The following TULP4 variants were observed in gnomAD, a reference collection of about 807,000 sequenced individuals.
TULP4 encodes the protein tubby-related protein 4.
TULP4 carries 16 observed loss-of-function variants against 129.0 expected under a neutral mutation model. The ratio of observed to expected loss-of-function variants is 0.12; its 90% CI spans 0.08 to 0.19. The LOEUF (loss-of-function observed/expected upper bound fraction) is 0.19, where lower values mean the gene tolerates loss of function less well. Among genes scored for constraint, TULP4 ranks in the 10% least tolerant of loss-of-function variants. The pLI, the probability that TULP4 is intolerant of heterozygous loss-of-function variation, is 1.00. For missense variants in TULP4, 1,842 were observed against 2,059.1 expected (o/e 0.89, Z 2.04); for synonymous variants, 998 against 854.0 (o/e 1.17, Z -2.94).
chr6:158,475,528 C>G (rs1464649028), intron 6 of TULP4, among the ~76,000 whole-genome samples: 2 of 152,230 alleles, frequency 1.3e-5, no homozygotes, highest in Non-Finnish European at 2.9e-5. Context: ...GAGTTTTTCC[C>G]TAGCAGACAG....
intron 1 of TULP4, among the ~76,000 whole-genome samples, chr6:158,250,356 C>G (rs1384856640): frequency 2.0e-5 from 3 of 151,778 alleles, no homozygotes; most frequent in Non-Finnish European, 4.4e-5. Context: ...CTGGATTTCA[C>G]CATGTTGGCC....
chr6:158,432,598 C>T (rs1778656327), intron 3 of TULP4, among the ~76,000 whole-genome samples: 1 of 152,184 alleles, frequency 6.6e-6, no homozygotes, highest in Admixed American at 6.5e-5. Flanking sequence ...CACGGTGGCT[C>T]ACGCCTGTAA....
intron 1 of TULP4, among the ~76,000 whole-genome samples, chr6:158,349,039 G>A (rs200333782): frequency 3.6e-4 from 18 of 50,594 alleles, no homozygotes; most frequent in Admixed American, 4.1e-4. Flanking sequence ...CCGGGCAGAG[G>A]CGCTCCTCAC....
intron 3 of TULP4, among the ~76,000 whole-genome samples, chr6:158,447,037 AG>A (rs1449119429): frequency 4.6e-5 from 7 of 152,222 alleles, no homozygotes; most frequent in Admixed American, 4.6e-4. Context: ...TAGTGTAACT[AG>A]GGGTCAGACA....
upstream of TULP4, among the ~76,000 whole-genome samples, chr6:158,309,004 C>A (rs1176560924): frequency 1.3e-3 from 197 of 146,594 alleles, 1 homozygote; most frequent in African/African-American, 4.3e-3. Context: ...ACCTCCCTCC[C>A]GGACAGGGCG....
At chr6:158,342,196 G>A (rs1317885626) in intron 1 of TULP4, among the ~76,000 whole-genome samples, 3 of 152,226 alleles carry the variant, frequency 2.0e-5, no homozygotes, top group South Asian at 4.1e-4. Flanking sequence ...GATTACAGGC[G>A]TGAGCCACTG....
At chr6:158,303,924 C>T (rs549254641) in intron 1 of TULP4, among the ~76,000 whole-genome samples, 70 of 152,220 alleles carry the variant, frequency 4.6e-4, no homozygotes, top group African/African-American at 1.6e-3. Flanking sequence ...GAAAACAAAA[C>T]AAACCAAAAA....
At chr6:158,486,153 C>T (rs771561605) in intron 8 of TULP4, among the ~76,000 whole-genome samples, 6 of 152,120 alleles carry the variant, frequency 3.9e-5, no homozygotes, top group Admixed American at 1.3e-4. Flanking sequence ...ACGTCACCCC[C>T]AAAATTCATA....
chr6:158,454,086 C>A (rs1365498984), intron 5 of TULP4, among the ~76,000 whole-genome samples: 1 of 145,514 alleles, frequency 6.9e-6, no homozygotes, highest in African/African-American at 2.6e-5. Flanking sequence ...ATTACATACC[C>A]TCTTTTGGGC....
chr6:158,413,126 G>A lies in TULP4; in HGVS notation c.314G>A (p.Gly105Asp). Residue 105 changes from glycine to aspartate, a missense_variant, in exon 2 of 14, where the codon GGC becomes GAC. Gly to Asp is a moderately conservative substitution (Grantham distance 94). Coordinates refer to ENST00000367097, the MANE Select transcript of TULP4 (RefSeq NM_020245.5). This position sits in a 1 kb window ranked among gnomAD's most constrained non-coding sequence, Gnocchi z 4.9. ...CTGGCCACGTGCGATGCGGACGGAG[G>A]CATATTCGTGTGGATTCAGTACGAG... ...QKLATCDADG[G>D]IFVWIQYEGR... 1.2e-6 allele frequency: 2 copies of A among 1,613,932 alleles called. No individual in the cohort carries two copies. The highest frequency in any genetic ancestry group is 1.7e-6 in the Non-Finnish European group (2 of 1,179,860).
At chr6:158,462,747 CTT>C (rs56829575) in intron 6 of TULP4, among the ~76,000 whole-genome samples, 9 of 127,820 alleles carry the variant, frequency 7.0e-5, no homozygotes, top group Non-Finnish European at 1.1e-4. Flanking sequence ...TTTTTTTTTC[CTT>C]TTTTTTTTTT....
intron 1 of TULP4, among the ~76,000 whole-genome samples, chr6:158,256,500 G>A (rs1391849991): frequency 2.6e-5 from 4 of 152,128 alleles, no homozygotes; most frequent in Non-Finnish European, 4.4e-5. Flanking sequence ...GAAACCTGTT[G>A]GCGGTTATAA....
chr6:158,270,177 T>C (rs1778521572), intron 1 of TULP4, among the ~76,000 whole-genome samples: 1 of 152,256 alleles, frequency 6.6e-6, no homozygotes, highest in Non-Finnish European at 1.5e-5. Context: ...GAACTCTGGC[T>C]TAATTTTCTC....
rs566056111 is a variant in TULP4 at position 158,444,013 on chromosome 6, A to T, written c.544-4983A>T. On this transcript the variant is annotated intron_variant, in intron 3 of 13. Coordinates refer to ENST00000367097, the MANE Select transcript of TULP4 (RefSeq NM_020245.5). The stretch of plus-strand genomic sequence containing the variant: ...GGTGGGCGGATCACAAGGTCAGGAG[A>T]TTGAGACCATCCTGGCTAACACGGT... 3.6e-3 allele frequency among the ~76,000 whole-genome samples: 551 copies of T among 151,934 alleles called. 1 individual carries two copies. Among genetic ancestry groups the T allele is most frequent in the Admixed American group, 6.8e-3 (104 of 15,248 alleles).
chr6:158,306,319 C>T (rs1021823909), intron 1 of TULP4, among the ~76,000 whole-genome samples: 1 of 152,160 alleles, frequency 6.6e-6, no homozygotes, highest in African/African-American at 2.4e-5. Flanking sequence ...CTTTGGGAGG[C>T]TGAGGCAGGC....
chr6:158,234,864 T>TA (rs1304283391), intron 1 of TULP4, among the ~76,000 whole-genome samples: 5 of 152,320 alleles, frequency 3.3e-5, no homozygotes, highest in Non-Finnish European at 7.4e-5. Flanking sequence ...AAAATGTACA[T>TA]ACCATAAAAT....
intron 1 of TULP4, among the ~76,000 whole-genome samples, chr6:158,384,261 T>C (rs1255892928): frequency 6.6e-6 from 1 of 151,966 alleles, no homozygotes; most frequent in Non-Finnish European, 1.5e-5. Flanking sequence ...AAAATTTGAC[T>C]TTGTGTAAGA....
intron 10 of TULP4, among the ~76,000 whole-genome samples, chr6:158,494,331 A>T (rs1385897195): frequency 1.3e-5 from 2 of 152,184 alleles, no homozygotes; most frequent in Non-Finnish European, 2.9e-5. Context: ...TTGCATACAT[A>T]CCTTAGGCAA....
At position 158,421,665 on chromosome 6, in the gene TULP4, A is replaced by T. The variant is rs1414212216; in HGVS notation, c.382-8071A>T. ...GGGTCTGGAATCAAAAGATCTAGCG[A>T]TGTTAATAGAGATTCTTTACAGATG... On this transcript the variant is annotated intron_variant, in intron 2 of 13. Coordinates refer to ENST00000367097, the MANE Select transcript of TULP4 (RefSeq NM_020245.5). Among the ~76,000 whole-genome samples, 3 of 152,326 alleles carry T rather than the reference A, an allele frequency of 2.0e-5. No homozygotes were observed. In the East Asian group the frequency reaches 5.8e-4, roughly 29 times the overall value.
Sources: allele counts gnomAD v4.1 joint callset (sites outside exome capture counted in the v4.1 genomes callset), GRCh38; gene constraint gnomAD v4.1.1; non-coding constraint Gnocchi (gnomAD v3.1); transcripts MANE v1.5; gene names NCBI Gene and HGNC (gene_info 2026-07-23, HGNC 2026-07-21).